MIP: variants seen among roughly 807,000 people sequenced by gnomAD.
The protein encoded by MIP is lens fiber major intrinsic protein.
A neutral mutation model predicts 21.8 loss-of-function variants in MIP; 14 were observed. The ratio of observed to expected loss-of-function variants is 0.64; its 90% CI spans 0.42 to 1.00. MIP has a LOEUF of 1.00. Among genes scored for constraint, MIP ranks in the 50% least tolerant of loss-of-function variants. MIP has a pLI of 0.00. For synonymous variants in MIP, 133 were observed against 141.4 expected (o/e 0.94, Z 0.42); for missense variants, 260 against 333.5 (o/e 0.78, Z 1.72).
rs199567871 is a variant in MIP, at chr12:56,454,504, C to T, written c.110G>A (p.Gly37Glu). Residue 37 changes from glycine (G) to glutamate (E), a missense_variant, in exon 1 of 4, where the codon GGA becomes GAA. By Grantham distance (98) the Gly-to-Glu change is moderately conservative. Coordinates refer to ENST00000652304, the MANE Select transcript of MIP (RefSeq NM_012064.4). ...AGCCACCTGCAGAACATGCAGGGGT[C>T]CAGGAGCCCAGCGCAGTGAGGACCC... The part of the protein sequence containing the change: ...GLGSSLRWAP[G>E]PLHVLQVAMA... 9 of 1,612,788 alleles carry T rather than the reference C, an allele frequency of 5.6e-6. No individual in the cohort carries two copies. The Admixed American group carries it at 1.5e-4, about 27-fold the overall frequency.
chr12:56,451,013 A>G lies in MIP; in HGVS notation c.*267T>C, dbSNP rs1436941601. On this transcript the variant is annotated 3_prime_UTR_variant, in exon 4 of 4. Transcript: ENST00000652304. ...CATGCCCCAAAACTCAGACACAGCC[A>G]CACTCACATTCATATGCACAATCAG... 2 of 481,360 alleles carry G rather than the reference A, an allele frequency of 4.2e-6. No homozygotes were observed. Among genetic ancestry groups the G allele is most frequent in the Non-Finnish European group, 7.5e-6 (2 of 265,444 alleles). The allele number at this position is 481,360 out of a possible 1,614,324, so 29.8% of individuals were successfully genotyped here. A position where few individuals can be genotyped will look rare whatever the true frequency, so the allele number is the denominator to read the frequency against.
intron 1 of MIP, 120 bp from the exon 2 acceptor site, chr12:56,453,875 A>C (rs1016397713): frequency 1.0e-6 from 1 of 972,604 alleles, no homozygotes; most frequent in African/African-American, 1.6e-5. Flanking sequence ...AGGATAATAC[A>C]ACCCCCTTCA....
intron 3 of MIP, 26 bp from the exon 4 acceptor site, chr12:56,451,491 A>G: frequency 6.2e-7 from 1 of 1,605,986 alleles, no homozygotes; most frequent in South Asian, 1.1e-5. Context: ...AGGAATACTC[A>G]GGCTTGGGGA....
In MIP at chr12:56,454,185, C is replaced by A. The variant is rs886537755; in HGVS notation, c.360+69G>T. ...CCCAGGGGAGCTGATTCACCTGCAC[C>A]AGTCAGGGAGTCAGGGCAATAGAGA... On this transcript the variant is annotated intron_variant, in intron 1 of 3. Transcript: ENST00000652304. The A allele has an allele frequency of 3.3e-5, 53 of 1,604,798 alleles. 1 individual carries two copies. The East Asian group carries it at 1.2e-3, about 35-fold the overall frequency.
At position 56,454,259 on chromosome 12, in the gene MIP, T is replaced by A; in HGVS notation, c.355A>T (p.Asn119Tyr). ...PPAVRGNLAL[N>Y]TLHPAVSVGQ... ...CCCTCTCAGCCAACCATTACCGTGTTGAGTGCTAGGTTTCCTCGGACAGCA... is the reference window on the plus strand; with the variant it reads ...CCCTCTCAGCCAACCATTACCGTGTAGAGTGCTAGGTTTCCTCGGACAGCA... The change falls in exon 1 of 4, where the codon AAC becomes TAC. Residue 119 changes from asparagine (N) to tyrosine (Y), a missense_variant. Physicochemically the swap from Asn to Tyr is moderately radical, Grantham distance 143. Coordinates refer to ENST00000652304, the MANE Select transcript of MIP (RefSeq NM_012064.4). The A allele has an allele frequency of 6.2e-7, 1 of 1,614,070 alleles. No homozygotes were observed.
At position 56,453,279 on chromosome 12, in the gene MIP, T is replaced by C. The variant is rs1868678016; in HGVS notation, c.526-127A>G. On this transcript the variant is annotated intron_variant, in intron 2 of 3. Transcript: ENST00000652304. The stretch of plus-strand genomic sequence containing the variant: ...CAGCAGCAAGTGGAGAGGGACAGCC[T>C]GCATGACTCTCCAGGGGTTCCTGCA... The C allele has an allele frequency of 6.9e-5, 54 of 780,548 alleles. 1 individual carries two copies. In the South Asian group the frequency reaches 7.8e-4, roughly 11 times the overall value. 48.4% of individuals were successfully genotyped at this position (780,548 alleles called of 1,614,324 possible).
At chr12:56,454,224 G>T (rs1868719895) in intron 1 of MIP, 30 bp downstream of exon 1, 4 of 1,613,708 alleles carry the variant, frequency 2.5e-6, no homozygotes, top group Non-Finnish European at 3.4e-6. Flanking sequence ...AGGACACCAG[G>T]TTCCCCATCC....
intron 2 of MIP, 96 bp downstream of exon 2, chr12:56,453,495 T>C: frequency 1.5e-6 from 2 of 1,372,518 alleles, no homozygotes; most frequent in Non-Finnish European, 2.1e-6. Context: ...ATGTTCATGT[T>C]TGACAGTGAA....
rs201697509 is a variant in MIP at position 56,454,594 on chromosome 12, G to A, written c.20C>T (p.Ala7Val). The A allele has an allele frequency of 7.4e-6, 12 of 1,614,122 alleles. No individual in the cohort carries two copies. The East Asian group carries it at 2.7e-4, about 36-fold the overall frequency. MWELRS[A>V]SFWRAIFAEF... Reference sequence around the variant, plus strand: ...AGCGAATATGGCCCTCCAAAAGGAGGCTGATCGCAGTTCCCACATGGCAGG... The same window carrying A: ...AGCGAATATGGCCCTCCAAAAGGAGACTGATCGCAGTTCCCACATGGCAGG... Residue 7 changes from alanine to valine, a missense_variant, in exon 1 of 4, where the codon GCC becomes GTC. Physicochemically the swap from Ala to Val is moderately conservative, Grantham distance 64. Transcript: ENST00000652304.
Position 56,453,216 on chromosome 12 carries a change from C to T in MIP, c.526-64G>A. The T allele has an allele frequency of 4.3e-6, 5 of 1,163,576 alleles. No individual in the cohort carries two copies. In the Admixed American group the frequency reaches 8.7e-5, roughly 20 times the overall value. 72.1% of individuals were successfully genotyped at this position (1,163,576 alleles called of 1,614,324 possible). On this transcript the variant is annotated intron_variant, in intron 2 of 3. Coordinates refer to ENST00000652304, the MANE Select transcript of MIP (RefSeq NM_012064.4). ...TGCACCCCAGCTTCTCTCCCCACAA[C>T]CCACATTGCCCCTGAGAGCTGCCAT...
chr12:56,453,155 G>A lies in MIP; in HGVS notation c.526-3C>T, dbSNP rs1395806333. The A allele has an allele frequency of 1.9e-6, 3 of 1,608,492 alleles. No homozygotes were observed. The highest frequency in any genetic ancestry group is 2.2e-5 in the East Asian group (1 of 44,862). On this transcript the variant is annotated splice_region_variant and splice_polypyrimidine_tract_variant and intron_variant, in intron 2 of 3. Coordinates refer to ENST00000652304, the MANE Select transcript of MIP (RefSeq NM_012064.4). ...ATGCCTGCACCAGTATAATACATCT[G>A]CAAAAGAGACAGTTGTAACTGAGAC...
chr12:56,455,326 C>T (rs1344508966), upstream of MIP, among the ~76,000 whole-genome samples: 1 of 152,104 alleles, frequency 6.6e-6, no homozygotes, highest in African/African-American at 2.4e-5. Flanking sequence ...GCTTTTTAAA[C>T]TACAGGGACC....
chr12:56,455,782 C>G (rs761613936), upstream of MIP, among the ~76,000 whole-genome samples: 2 of 152,094 alleles, frequency 1.3e-5, no homozygotes, highest in Non-Finnish European at 2.9e-5. Context: ...CACATAGTGG[C>G]AAGTCATACC....
Position 56,453,752 on chromosome 12 carries a change from G to A in MIP, c.364C>T (p.His122Tyr), listed in dbSNP as rs576079765. ...GCCTGGCCCACGCTCACCGCAGGGT[G>A]CAACTGTGCAAAGGAAGAAGAAGAG... ...VRGNLALNTL[H>Y]PAVSVGQATT... is the part of the protein sequence containing the mutation. The change falls in exon 2 of 4, where the codon CAC becomes TAC. Residue 122 changes from histidine (H) to tyrosine (Y), a missense_variant. By Grantham distance (83) the His-to-Tyr change is moderately conservative. Transcript: ENST00000652304. 1 of 1,613,176 alleles carries A rather than the reference G, an allele frequency of 6.2e-7. No individual in the cohort carries two copies. Among genetic ancestry groups the A allele is most frequent in the South Asian group, 1.1e-5 (1 of 90,916 alleles).
In MIP at chr12:56,454,623, G is replaced by T. The variant is rs61759527; in HGVS notation, c.-10C>A. The T allele has an allele frequency of 0.019, 30,628 of 1,613,542 alleles. 382 individuals carry two copies. Among genetic ancestry groups the T allele is most frequent in the Non-Finnish European group, 0.021 (24,573 of 1,179,912 alleles). ...ATCGCAGTTCCCACATGGCAGGGGG[G>T]ATGGTCACAGTGCCTGGGTCCCTGC... On this transcript the variant is annotated 5_prime_UTR_variant, in exon 1 of 4. Coordinates refer to ENST00000652304, the MANE Select transcript of MIP (RefSeq NM_012064.4).
At chr12:56,455,142 G>T (rs1299083070), upstream of MIP, among the ~76,000 whole-genome samples, 1 of 152,088 alleles carries the variant, frequency 6.6e-6, no homozygotes, top group African/African-American at 2.4e-5. Flanking sequence ...TAACTAAAGA[G>T]AATTCTTTAG....
In MIP at chr12:56,450,931, A is replaced by G. The variant is rs1188707265; in HGVS notation, c.*349T>C. 3 of 324,726 alleles carry G rather than the reference A, an allele frequency of 9.2e-6. No homozygotes were observed. The highest frequency in any genetic ancestry group is 2.2e-5 in the African/African-American group (1 of 46,098). The allele number at this position is 324,726 out of a possible 1,614,324, so 20.1% of individuals were successfully genotyped here. On this transcript the variant is annotated 3_prime_UTR_variant, in exon 4 of 4. Coordinates refer to ENST00000652304, the MANE Select transcript of MIP (RefSeq NM_012064.4). ...AGGTGTCGGTTACCCAGTACTCACC[A>G]TACTGGGTCGAGGAAGGGAGGTATA...
chr12:56,449,651 TTAAA>T lies in MIP; in HGVS notation c.*1625_*1628del, dbSNP rs1474820669. On this transcript the variant is annotated 3_prime_UTR_variant, in exon 4 of 4. Transcript: ENST00000652304. ...CTAGTCAAGCGGACTATTCCAAGTCTTAAATAGTTAGTTAGAAAAGTTAGGTTTT... is the reference window on the plus strand; with the variant it reads ...CTAGTCAAGCGGACTATTCCAAGTCTTAGTTAGTTAGAAAAGTTAGGTTTT... The T allele has an allele frequency of 6.6e-6, 1 of 152,218 alleles. No homozygotes were observed. The allele number at this position is 152,218 out of a possible 1,614,324, so 9.4% of individuals were successfully genotyped here.
chr12:56,450,664 G>A lies in MIP; in HGVS notation c.*616C>T, dbSNP rs138645090. The A allele has an allele frequency of 3.9e-5, 6 of 153,106 alleles. No homozygotes were observed. Among genetic ancestry groups the A allele is most frequent in the African/African-American group, 4.8e-5 (2 of 41,562 alleles). 9.5% of individuals were successfully genotyped at this position (153,106 alleles called of 1,614,324 possible). A position where few individuals can be genotyped will look rare whatever the true frequency, so the allele number is the denominator to read the frequency against. On this transcript the variant is annotated 3_prime_UTR_variant, in exon 4 of 4. Coordinates refer to ENST00000652304, the MANE Select transcript of MIP (RefSeq NM_012064.4). ...CCTGGGGCAAGCATCCCTAAGATAA[G>A]TAGGCTATATATTCCCATTAACTTC...
Sources: allele counts gnomAD v4.1 joint callset (sites outside exome capture counted in the v4.1 genomes callset), GRCh38; gene constraint gnomAD v4.1.1; transcripts MANE v1.5; gene names NCBI Gene and HGNC (gene_info 2026-07-23, HGNC 2026-07-21).